MOG: variants seen among roughly 807,000 people sequenced by gnomAD.
MOG encodes the protein myelin-oligodendrocyte glycoprotein.
Under a neutral mutation model 35.9 loss-of-function variants are expected in MOG, and 20 were observed. The observed-to-expected ratio is 0.56, with a 90% confidence interval of 0.39 to 0.81. The LOEUF (loss-of-function observed/expected upper bound fraction) is 0.81. Ranked by LOEUF, MOG falls within the 30% of genes least tolerant of loss-of-function variation. The pLI is 0.00. For synonymous variants in MOG, 92 were observed against 114.3 expected (o/e 0.80, Z 1.25); for missense variants, 251 against 301.0 (o/e 0.83, Z 1.23).
chr6:29,666,560 G>A (rs566262855), intron 3 of MOG, among the ~76,000 whole-genome samples: 2 of 152,088 alleles, frequency 1.3e-5, no homozygotes, highest in Non-Finnish European at 2.9e-5. Flanking sequence ...TACTCAAACC[G>A]ATATAACTTA....
chr6:29,667,841 C>T, intron 4 of MOG, 63 bp from the exon 5 acceptor site: 1 of 1,592,958 alleles, frequency 6.3e-7, no homozygotes, highest in Non-Finnish European at 8.6e-7. Flanking sequence ...ATAACAAAGA[C>T]TCAGGATAAA....
At chr6:29,660,557 T>G (rs1768390943) in intron 2 of MOG, among the ~76,000 whole-genome samples, 1 of 102,942 alleles carries the variant, frequency 9.7e-6, no homozygotes, top group Non-Finnish European at 2.1e-5. Context: ...CCTGTATTTG[T>G]GAGCGCACAC....
Position 29,662,942 on chromosome 6 carries a change from C to T in MOG, c.437-3210C>T, listed in dbSNP as rs184432087. On this transcript the variant is annotated intron_variant, in intron 2 of 7. Transcript: ENST00000376917. The surrounding 1 kb of genome is among the most constrained non-coding windows in gnomAD (Gnocchi z 4.2). ...CCTCCCAAAGTGCTAGAATTACAGG[C>T]GCGAGCCACTGCACCCAGCGAAGAA... 4.7e-4 allele frequency among the ~76,000 whole-genome samples: 72 copies of T among 152,112 alleles called. No homozygotes were observed. Among genetic ancestry groups the T allele is most frequent in the African/African-American group, 1.6e-3 (68 of 41,502 alleles).
At chr6:29,657,391 TA>T (rs1767335728) in intron 1 of MOG, 94 bp downstream of exon 1, 1 of 965,368 alleles carries the variant, frequency 1.0e-6, no homozygotes, top group African/African-American at 1.6e-5. Flanking sequence ...CTCAAGTTGC[TA>T]TATTATCTTT....
At chr6:29,661,947 T>C in intron 2 of MOG, 1 of 985,374 alleles carries the variant, frequency 1.0e-6, no homozygotes, top group African/African-American at 1.7e-5. Context: ...TTCGTCTGCA[T>C]GCCTAAGAAA....
At position 29,670,432 on chromosome 6, in the gene MOG, T is replaced by C. The variant is rs1771210375; in HGVS notation, c.709+35T>C. ...CTGGGCAGCAGGCAAGACCACCAAATAGTGGGGGACCAAGTCAGCTCTGAA... is the reference window on the plus strand; with the variant it reads ...CTGGGCAGCAGGCAAGACCACCAAACAGTGGGGGACCAAGTCAGCTCTGAA... On this transcript the variant is annotated intron_variant, in intron 6 of 7. Coordinates refer to ENST00000376917, the MANE Select transcript of MOG (RefSeq NM_206809.4). The surrounding 1 kb of genome is among the most constrained non-coding windows in gnomAD (Gnocchi z 4.2). 6.3e-7 allele frequency: 1 copy of C among 1,597,476 alleles called. No individual in the cohort carries two copies. Among genetic ancestry groups the C allele is most frequent in the Non-Finnish European group, 8.6e-7 (1 of 1,165,672 alleles).
intron 2 of MOG, among the ~76,000 whole-genome samples, chr6:29,660,262 C>T (rs1768236000): frequency 6.6e-6 from 1 of 151,754 alleles, no homozygotes; most frequent in Admixed American, 6.6e-5. Flanking sequence ...TGGCTCACGC[C>T]TGTAATCCCA....
chr6:29,669,214 C>T (rs1275225474), intron 5 of MOG, among the ~76,000 whole-genome samples: 3 of 151,798 alleles, frequency 2.0e-5, no homozygotes, highest in African/African-American at 7.3e-5. Flanking sequence ...AGCCACCGTG[C>T]CCGGCCATAA....
chr6:29,659,049 T>A (rs1767865088), intron 1 of MOG, among the ~76,000 whole-genome samples: 1 of 151,486 alleles, frequency 6.6e-6, no homozygotes, highest in Admixed American at 6.6e-5. Context: ...GAGGCGGAGG[T>A]TGCAGGGAGG....
rs1192276092 is a variant in MOG, at chr6:29,659,500, G to C, written c.270G>C (p.Gln90His). 3.1e-6 allele frequency: 5 copies of C among 1,612,988 alleles called. No homozygotes were observed. In the South Asian group the frequency reaches 5.5e-5, roughly 18 times the overall value. Residue 90 changes from glutamine (Q) to histidine (H), a missense_variant, in exon 2 of 8, where the codon CAG becomes CAC. Coordinates refer to ENST00000376917, the MANE Select transcript of MOG (RefSeq NM_206809.4). ...ATGGCAAGGACCAAGATGGAGACCA[G>C]GCACCTGAATATCGGGGCCGGACAG... ...YRNGKDQDGDQAPEYRGRTEL... is the reference protein window; with the variant it reads ...YRNGKDQDGDHAPEYRGRTEL...
intron 2 of MOG, chr6:29,661,793 G>A (rs1205759007): frequency 3.1e-6 from 3 of 974,840 alleles, no homozygotes; most frequent in Admixed American, 1.3e-4. Flanking sequence ...TCCAGTCTGG[G>A]CAAGAAAAGT....
chr6:29,659,296 C>T (rs758488613), intron 1 of MOG, 23 bp from the exon 2 acceptor site: 3 of 1,612,120 alleles, frequency 1.9e-6, no homozygotes, highest in Admixed American at 3.3e-5. Context: ...CCTTAAATCT[C>T]TTCCTTTTGG....
chr6:29,662,800 C>A lies in MOG; in HGVS notation c.436+3134C>A, dbSNP rs972514703. On this transcript the variant is annotated intron_variant, in intron 2 of 7. Transcript: ENST00000376917. The surrounding 1 kb of genome is among the most constrained non-coding windows in gnomAD (Gnocchi z 4.2). Reference sequence around the variant, plus strand: ...CCTCAGCCTACATAGTAGCTGGGACCACAGGCACACACCACCACACACTGC... The same window carrying A: ...CCTCAGCCTACATAGTAGCTGGGACAACAGGCACACACCACCACACACTGC... Among the ~76,000 whole-genome samples, 1 of 152,012 alleles carries A rather than the reference C, an allele frequency of 6.6e-6. No homozygotes were observed. The highest frequency in any genetic ancestry group is 2.4e-5 in the African/African-American group (1 of 41,388).
rs760213820 is a variant in MOG, at chr6:29,659,378, G to A, written c.148G>A (p.Glu50Lys). 5.0e-6 allele frequency: 8 copies of A among 1,612,878 alleles called. No individual in the cohort carries two copies. The highest frequency in any genetic ancestry group is 2.5e-6 in the Non-Finnish European group (3 of 1,179,982). ...CCGGGCTCTGGTCGGGGATGAAGTG[G>A]AATTGCCATGTCGCATATCTCCTGG... ...PIRALVGDEV[E>K]LPCRISPGKN... Residue 50 changes from glutamate (E) to lysine (K), a missense_variant, in exon 2 of 8, where the codon GAA becomes AAA. Transcript: ENST00000376917.
chr6:29,658,321 C>T (rs1767622493), intron 1 of MOG, among the ~76,000 whole-genome samples: 2 of 152,172 alleles, frequency 1.3e-5, no homozygotes, highest in Non-Finnish European at 2.9e-5. Context: ...GGGGAGAAAG[C>T]AGCCTTATTT....
intron 4 of MOG, 41 bp downstream of exon 4, chr6:29,667,704 G>T: frequency 6.2e-7 from 1 of 1,613,048 alleles, no homozygotes; most frequent in Non-Finnish European, 8.5e-7. Context: ...TTGCCTTTTG[G>T]TTTTTTGGCA....
At chr6:29,663,920 G>A in intron 2 of MOG, 1 of 970,152 alleles carries the variant, frequency 1.0e-6, no homozygotes, top group Non-Finnish European at 1.2e-6. Flanking sequence ...CCAGTTTAAT[G>A]TTATTAGCTG....
intron 5 of MOG, among the ~76,000 whole-genome samples, chr6:29,669,417 A>G (rs527251108): frequency 4.6e-5 from 7 of 151,548 alleles, no homozygotes; most frequent in Admixed American, 4.6e-4. Flanking sequence ...CAGCCTCCCA[A>G]GTTGCTGGAA....
At chr6:29,661,459 C>A in intron 2 of MOG, 1 of 985,374 alleles carries the variant, frequency 1.0e-6, no homozygotes, top group Non-Finnish European at 1.2e-6. Flanking sequence ...TTTTCTCCTT[C>A]CTGCTCAACA....
Sources: gnomAD v4.1 joint callset for allele counts (sites outside exome capture counted in the v4.1 genomes callset) on GRCh38, gnomAD v4.1.1 for gene constraint, Gnocchi (gnomAD v3.1) non-coding constraint, MANE v1.5 for transcripts, NCBI Gene and HGNC (gene_info 2026-07-23, HGNC 2026-07-21) for gene names.